The following OLFM3 variants were observed in gnomAD, a reference collection of about 807,000 sequenced individuals.
The protein encoded by OLFM3 is olfactomedin 3.
In OLFM3, 20 loss-of-function variants were observed where a neutral mutation model predicts 48.6. The observed-to-expected ratio is 0.41, with a 90% CI of 0.29 to 0.60. The LOEUF (loss-of-function observed/expected upper bound fraction) is 0.60, where lower values mean the gene tolerates loss of function less well. Ranked by LOEUF, OLFM3 falls within the 20% of genes least tolerant of loss-of-function variation. OLFM3 has a pLI of 0.28. For synonymous variants in OLFM3, 222 were observed against 198.1 expected, an observed-to-expected ratio of 1.12 and a Z score of -1.01; for missense variants, 437 against 544.3, an observed-to-expected ratio of 0.80 and a Z score of 1.96.
intron 1 of OLFM3, among the ~76,000 whole-genome samples, chr1:101,858,240 A>C (rs1557704883): frequency 6.6e-6 from 1 of 152,080 alleles, no homozygotes; most frequent in South Asian, 2.1e-4. Flanking sequence ...TAAGTGAGTT[A>C]ATATTTTTCT....
chr1:101,828,052 C>CTCTCTCTCTG (rs1654962470), intron 3 of OLFM3, among the ~76,000 whole-genome samples: 2 of 125,300 alleles, frequency 1.6e-5, no homozygotes, highest in Admixed American at 8.2e-5. Flanking sequence ...GTCTGTCTGT[C>CTCTCTCTCTG]TCTCTCTCTC....
intron 1 of OLFM3, among the ~76,000 whole-genome samples, chr1:101,910,882 T>G (rs1285146029): frequency 6.6e-6 from 1 of 152,192 alleles, no homozygotes; most frequent in African/African-American, 2.4e-5. Flanking sequence ...GCTTCTGAAA[T>G]AGAGCCATTG....
At chr1:101,901,728 G>A (rs1284395933) in intron 1 of OLFM3, among the ~76,000 whole-genome samples, 1 of 152,020 alleles carries the variant, frequency 6.6e-6, no homozygotes, top group Non-Finnish European at 1.5e-5. Flanking sequence ...TGACTATGGG[G>A]CAATTGCAAA....
intron 1 of OLFM3, among the ~76,000 whole-genome samples, chr1:101,927,840 G>T (rs1331703279): frequency 6.6e-6 from 1 of 151,050 alleles, no homozygotes; most frequent in Non-Finnish European, 1.5e-5. Flanking sequence ...TATTGGTGGT[G>T]GTAGATTCAC....
At chr1:101,864,707 G>A (rs1310351687) in intron 1 of OLFM3, among the ~76,000 whole-genome samples, 3 of 152,136 alleles carry the variant, frequency 2.0e-5, no homozygotes, top group African/African-American at 7.2e-5. Flanking sequence ...AACAGATCAA[G>A]AGACAGTGTG....
chr1:101,925,692 A>G (rs1474485315), intron 1 of OLFM3, among the ~76,000 whole-genome samples: 1 of 120,886 alleles, frequency 8.3e-6, no homozygotes, highest in African/African-American at 3.2e-5. Flanking sequence ...CTAATTAATT[A>G]ATTCTTTTTT....
intron 1 of OLFM3, among the ~76,000 whole-genome samples, chr1:101,889,693 T>C (rs1657912780): frequency 6.6e-6 from 1 of 152,052 alleles, no homozygotes; most frequent in South Asian, 2.1e-4. Context: ...AATAAATTTG[T>C]ATATTTGGAT....
intron 1 of OLFM3, among the ~76,000 whole-genome samples, chr1:101,935,970 C>CTTGAA (rs1659602394): frequency 6.6e-6 from 1 of 151,968 alleles, no homozygotes; most frequent in African/African-American, 2.4e-5. Context: ...AAAGAACATG[C>CTTGAA]CTCAAAATAA....
At chr1:101,839,217 A>T (rs1007223456) in intron 1 of OLFM3, among the ~76,000 whole-genome samples, 3 of 152,198 alleles carry the variant, frequency 2.0e-5, no homozygotes, top group Admixed American at 2.0e-4. Context: ...AGACTCGTTA[A>T]CATTCTCCCC....
chr1:101,882,331 AATAT>A (rs200162567), intron 1 of OLFM3, among the ~76,000 whole-genome samples: 4 of 107,404 alleles, frequency 3.7e-5, no homozygotes, highest in African/African-American at 9.0e-5. Flanking sequence ...ATATATATAT[AATAT>A]ATATATATAT....
chr1:101,847,709 A>G (rs1656067256), intron 1 of OLFM3, among the ~76,000 whole-genome samples: 1 of 152,198 alleles, frequency 6.6e-6, no homozygotes, highest in South Asian at 2.1e-4. Flanking sequence ...ATGTGTTTCC[A>G]GTTTTGCTTT....
chr1:101,841,902 G>C (rs546580945), intron 1 of OLFM3, among the ~76,000 whole-genome samples: 4 of 152,302 alleles, frequency 2.6e-5, no homozygotes, highest in African/African-American at 9.6e-5. Flanking sequence ...AGATACCTGA[G>C]TGATGAAAAA....
chr1:101,981,996 A>T (rs1417561856), intron 1 of OLFM3, among the ~76,000 whole-genome samples: 1 of 152,216 alleles, frequency 6.6e-6, no homozygotes, highest in East Asian at 1.9e-4. Flanking sequence ...ATGAATAAAC[A>T]TTGAAAAAAC....
At chr1:101,854,097 A>G (rs1415075708) in intron 1 of OLFM3, among the ~76,000 whole-genome samples, 1 of 152,056 alleles carries the variant, frequency 6.6e-6, no homozygotes, top group Non-Finnish European at 1.5e-5. Context: ...CACTATCTAT[A>G]TGTATATCAA....
At chr1:101,955,504 A>T (rs2101076346) in intron 1 of OLFM3, among the ~76,000 whole-genome samples, 1 of 152,034 alleles carries the variant, frequency 6.6e-6, no homozygotes, top group Admixed American at 6.6e-5. Context: ...CTTGACTTCT[A>T]TGTGAAATTT....
chr1:101,869,655 G>A (rs990827271), intron 1 of OLFM3, among the ~76,000 whole-genome samples: 13 of 152,052 alleles, frequency 8.5e-5, no homozygotes, highest in Non-Finnish European at 1.0e-4. Context: ...TGGCTGTGTC[G>A]TCACCCAAAT....
intron 1 of OLFM3, among the ~76,000 whole-genome samples, chr1:101,908,998 C>T (rs1658651930): frequency 6.6e-6 from 1 of 152,200 alleles, no homozygotes; most frequent in African/African-American, 2.4e-5. Flanking sequence ...TTACAGTAGT[C>T]ACAGGAAGTG....
At chr1:101,858,711 T>A (rs1656527165) in intron 1 of OLFM3, among the ~76,000 whole-genome samples, 1 of 152,042 alleles carries the variant, frequency 6.6e-6, no homozygotes, top group South Asian at 2.1e-4. Flanking sequence ...ACTCTCTTCC[T>A]CCTGTGCCAG....
chr1:101,825,005 A>T (rs1402768840), intron 4 of OLFM3, 21 bp downstream of exon 4: 1 of 1,601,656 alleles, frequency 6.2e-7, no homozygotes, highest in East Asian at 2.2e-5. Flanking sequence ...TAACTTAGAC[A>T]AATTAAATTG....
Sources: gnomAD v4.1 joint callset for allele counts (sites outside exome capture counted in the v4.1 genomes callset) on GRCh38, gnomAD v4.1.1 for gene constraint, MANE v1.5 for transcripts, NCBI Gene and HGNC (gene_info 2026-07-23, HGNC 2026-07-21) for gene names.